Variants in ZNF787 observed in about 807,000 individuals in gnomAD.
The protein encoded by ZNF787 is TTF-I-interacting peptide 20.
A neutral mutation model predicts 16.9 loss-of-function variants in ZNF787; 7 were observed. The observed-to-expected ratio is 0.42, with a 90% CI of 0.24 to 0.78. ZNF787 has a LOEUF of 0.78. Among genes scored for constraint, ZNF787 ranks in the 30% least tolerant of loss-of-function variants. The pLI, the probability that ZNF787 is intolerant of heterozygous loss-of-function variation, is 0.30. For synonymous variants in ZNF787, 345 were observed against 270.9 expected, an observed-to-expected ratio of 1.27 and a Z score of -2.69; for missense variants, 551 against 589.3, an observed-to-expected ratio of 0.94 and a Z score of 0.67.
intron 1 of ZNF787, among the ~76,000 whole-genome samples, chr19:56,120,669 T>G (rs1035390516): frequency 6.6e-5 from 10 of 151,668 alleles, no homozygotes; most frequent in Non-Finnish European, 1.3e-4. Flanking sequence ...GACCGTGCCC[T>G]CGGGGCCGCG....
chr19:56,103,577 G>A (rs1986187425), intron 1 of ZNF787: 1 of 299,342 alleles, frequency 3.3e-6, no homozygotes, highest in East Asian at 5.8e-5. Context: ...TGGCAAGATG[G>A]AGAACATGTT....
chr19:56,102,658 G>A (rs1986144195), intron 2 of ZNF787: 2 of 488,596 alleles, frequency 4.1e-6, no homozygotes, highest in African/African-American at 2.0e-5. Flanking sequence ...CAGCCTGCGG[G>A]TTCCCTGCAC....
chr19:56,107,726 G>A (rs558009589), intron 1 of ZNF787, among the ~76,000 whole-genome samples: 4 of 152,142 alleles, frequency 2.6e-5, no homozygotes, highest in African/African-American at 4.8e-5. Flanking sequence ...TGTTGGGGAG[G>A]CTGGGGTGGG....
At chr19:56,089,515 C>T (rs1985490958) in intron 2 of ZNF787, among the ~76,000 whole-genome samples, 1 of 152,166 alleles carries the variant, frequency 6.6e-6, no homozygotes, top group African/African-American at 2.4e-5. Flanking sequence ...GGCCGCAGGG[C>T]TTGAATGCAG....
At chr19:56,110,850 TCTCA>T (rs1370197406) in intron 1 of ZNF787, among the ~76,000 whole-genome samples, 2 of 152,036 alleles carry the variant, frequency 1.3e-5, no homozygotes, top group African/African-American at 4.8e-5. Context: ...AGAGATCACC[TCTCA>T]CTCAGCAGGG....
At position 56,089,038 on chromosome 19, in the gene ZNF787, A is replaced by G. The variant is rs939765224; in HGVS notation, c.134T>C (p.Leu45Pro). ...TGGGGGCGCAGACTGGGGCGGGGAC[A>G]GCTTGGTGGGAGGCCAGCTGGGGAC... The part of the protein sequence containing the change: ...DDVPSWPPTK[L>P]SPPQSAPPAG... The change falls in exon 3 of 3, where the codon CTG becomes CCG. Residue 45 changes from leucine to proline, a missense_variant. Leu to Pro is a moderately conservative substitution (Grantham distance 98, BLOSUM62 -3). Transcript: ENST00000610935. 1.4e-6 allele frequency: 2 copies of G among 1,469,332 alleles called. No individual in the cohort carries two copies. The highest frequency in any genetic ancestry group is 2.7e-5 in the Admixed American group (1 of 37,344). The allele number at this position is 1,469,332 out of a possible 1,614,324, so 91.0% of individuals were successfully genotyped here.
In ZNF787 at chr19:56,098,863, CCGGGTGA is replaced by C. The variant is rs532303696; in HGVS notation, c.79+4269_79+4275del. On this transcript the variant is annotated intron_variant, in intron 2 of 2. Coordinates refer to ENST00000610935, the MANE Select transcript of ZNF787 (RefSeq NM_001002836.4). The stretch of plus-strand genomic sequence containing the variant: ...TACGGCCGCAGGGTGATATGGCCAC[CCGGGTGA>C]TACGGCCGCAGGGTGATGGAGCCTA... Among the ~76,000 whole-genome samples, 265 of 147,452 alleles carry C rather than the reference CCGGGTGA, an allele frequency of 1.8e-3. 1 individual carries two copies. The highest frequency in any genetic ancestry group is 4.0e-3 in the Admixed American group (60 of 15,116).
chr19:56,098,897 G>C (rs1250676524), intron 2 of ZNF787, among the ~76,000 whole-genome samples: 1 of 151,226 alleles, frequency 6.6e-6, no homozygotes, highest in African/African-American at 2.5e-5. Context: ...TGGAGCCTAG[G>C]TGATAAGGCG....
Position 56,088,857 on chromosome 19 carries a change from C to T in ZNF787, c.315G>A (p.Gln105=). 1.2e-6 allele frequency: 2 copies of T among 1,610,026 alleles called. No individual in the cohort carries two copies. The highest frequency in any genetic ancestry group is 1.7e-6 in the Non-Finnish European group (2 of 1,178,100). The part of the protein sequence containing the change: ...ACADCGKTFS[Q]SSHLVQHRRI... ...GCCGGTGCTGCACCAGGTGCGAGCTCTGCGAGAAGGTCTTGCCGCAGTCGG... is the reference window on the plus strand; with the variant it reads ...GCCGGTGCTGCACCAGGTGCGAGCTTTGCGAGAAGGTCTTGCCGCAGTCGG... The change falls in exon 3 of 3, where the codon CAG becomes CAA. Residue 105 remains glutamine (Q), a synonymous_variant. Coordinates refer to ENST00000610935, the MANE Select transcript of ZNF787 (RefSeq NM_001002836.4). The surrounding 1 kb of genome is among the most constrained non-coding windows in gnomAD (Gnocchi z 8.6).
chr19:56,104,447 C>T (rs1210478326), intron 1 of ZNF787, among the ~76,000 whole-genome samples: 1 of 122,346 alleles, frequency 8.2e-6, no homozygotes, highest in Non-Finnish European at 1.7e-5. Flanking sequence ...TCCCTACGCA[C>T]GCCGCCGACC....
At chr19:56,107,982 C>G (rs537743763) in intron 1 of ZNF787, among the ~76,000 whole-genome samples, 1 of 152,222 alleles carries the variant, frequency 6.6e-6, no homozygotes, top group African/African-American at 2.4e-5. Context: ...CGCAGGGGAC[C>G]CTTAGAGGTG....
intron 1 of ZNF787, chr19:56,105,646 G>A (rs1986274204): frequency 6.6e-6 from 1 of 152,110 alleles, no homozygotes; most frequent in Non-Finnish European, 1.5e-5. Flanking sequence ...CGAGAAACCT[G>A]CCCGAGGAGG....
chr19:56,089,180 C>G, intron 2 of ZNF787, 88 bp from the exon 3 acceptor site: 3 of 1,018,868 alleles, frequency 2.9e-6, no homozygotes, highest in Non-Finnish European at 2.7e-6. Flanking sequence ...TCGGGTGCCT[C>G]GCTCCCCCTG....
intron 1 of ZNF787, among the ~76,000 whole-genome samples, chr19:56,120,818 G>A (rs1292892523): frequency 1.5e-5 from 2 of 130,030 alleles, no homozygotes; most frequent in African/African-American, 3.0e-5. Context: ...CACCCCCGAC[G>A]GCCCGCAGCA....
intron 2 of ZNF787, chr19:56,102,834 C>T (rs1015511853): frequency 2.2e-5 from 15 of 695,272 alleles, no homozygotes; most frequent in Non-Finnish European, 3.7e-5. Flanking sequence ...GAAGGGGGCA[C>T]CCTCAACAGA....
intron 1 of ZNF787, among the ~76,000 whole-genome samples, chr19:56,116,066 C>T (rs568394173): frequency 2.0e-5 from 3 of 151,956 alleles, no homozygotes; most frequent in East Asian, 3.9e-4. Flanking sequence ...GGGGCTGTGT[C>T]GGGGGAGGGT....
chr19:56,091,420 C>T (rs1985569749), intron 2 of ZNF787, among the ~76,000 whole-genome samples: 1 of 152,124 alleles, frequency 6.6e-6, no homozygotes, highest in Non-Finnish European at 1.5e-5. Flanking sequence ...GGCACTGGGG[C>T]GGGTGTGCAG....
chr19:56,094,056 CTT>C (rs1985770598), intron 2 of ZNF787, among the ~76,000 whole-genome samples: 1 of 152,134 alleles, frequency 6.6e-6, no homozygotes, highest in Non-Finnish European at 1.5e-5. Flanking sequence ...CGCAGTCTCA[CTT>C]TGTCACCCAG....
At chr19:56,098,435 C>A (rs1985951705) in intron 2 of ZNF787, among the ~76,000 whole-genome samples, 1 of 151,872 alleles carries the variant, frequency 6.6e-6, no homozygotes, top group South Asian at 2.1e-4. Context: ...CCAGGTAATA[C>A]GGCCGCAGGG....
Sources: gnomAD v4.1 joint callset for allele counts (sites outside exome capture counted in the v4.1 genomes callset) on GRCh38, gnomAD v4.1.1 for gene constraint, Gnocchi (gnomAD v3.1) non-coding constraint, MANE v1.5 for transcripts, NCBI Gene and HGNC (gene_info 2026-07-23, HGNC 2026-07-21) for gene names.